The following RBFOX1 variants were observed in gnomAD, a reference collection of about 807,000 sequenced individuals.
RBFOX1 encodes the protein RNA binding fox-1 homolog 1.
RBFOX1 carries 8 observed loss-of-function variants against 57.7 expected under a neutral mutation model. The ratio of observed to expected loss-of-function variants is 0.14; its 90% CI spans 0.08 to 0.25. The LOEUF is 0.25. RBFOX1 is among the 10% of genes least tolerant of loss of function. RBFOX1 has a pLI of 1.00. For missense variants in RBFOX1, 611 were observed against 548.5 expected (o/e 1.11, Z -1.14); for synonymous variants, 326 against 222.4 (o/e 1.47, Z -4.15).
chr16:7,485,426 C>G (rs2065124812), intron 4 of RBFOX1, among the ~76,000 whole-genome samples: 1 of 152,220 alleles, frequency 6.6e-6, no homozygotes, highest in African/African-American at 2.4e-5. Context: ...AATAGATTAA[C>G]ACGCTCAATA....
intron 4 of RBFOX1, among the ~76,000 whole-genome samples, chr16:7,162,357 A>G (rs903280978): frequency 6.6e-6 from 1 of 152,092 alleles, no homozygotes; most frequent in Non-Finnish European, 1.5e-5. Flanking sequence ...ATATTTGCTC[A>G]TTTAATATCA....
chr16:6,536,088 G>T (rs949889316), intron 2 of RBFOX1, among the ~76,000 whole-genome samples: 1 of 152,152 alleles, frequency 6.6e-6, no homozygotes, highest in African/African-American at 2.4e-5. Flanking sequence ...TGATACAGGA[G>T]TATTAATTAC....
At chr16:7,340,970 C>T (rs1428091914) in intron 4 of RBFOX1, among the ~76,000 whole-genome samples, 1 of 152,100 alleles carries the variant, frequency 6.6e-6, no homozygotes, top group African/African-American at 2.4e-5. Context: ...GGTTGGAAGA[C>T]CTACGGATTT....
chr16:6,699,139 G>A (rs1201627327), intron 3 of RBFOX1, among the ~76,000 whole-genome samples: 1 of 152,116 alleles, frequency 6.6e-6, no homozygotes, highest in Non-Finnish European at 1.5e-5. Flanking sequence ...CAACCCATTT[G>A]AAGTGCCACC....
chr16:6,993,745 A>T (rs542939167), intron 3 of RBFOX1, among the ~76,000 whole-genome samples: 1 of 152,140 alleles, frequency 6.6e-6, no homozygotes, highest in Non-Finnish European at 1.5e-5. Context: ...GCCCAGCTCC[A>T]TGGGCATGGG....
intron 3 of RBFOX1, among the ~76,000 whole-genome samples, chr16:6,999,771 G>A (rs555140358): frequency 6.6e-6 from 1 of 152,036 alleles, no homozygotes; most frequent in East Asian, 1.9e-4. Context: ...ATGTTATTAT[G>A]CCTTTAAAAT....
chr16:5,754,247 C>T (rs866879232), intron 3 of RBFOX1, among the ~76,000 whole-genome samples: 1 of 152,186 alleles, frequency 6.6e-6, no homozygotes, highest in African/African-American at 2.4e-5. Context: ...AATAATGGTA[C>T]CTTCCCTGTA....
At position 6,054,478 on chromosome 16, in the gene RBFOX1, C is replaced by T. The variant is rs76333093; in HGVS notation, c.-127+34486C>T. Among the ~76,000 whole-genome samples the T allele has an allele frequency of 3.5e-4, 54 of 152,210 alleles. 2 individuals are homozygous for T. In the South Asian group the frequency reaches 6.8e-3, roughly 19 times the overall value. On this transcript the variant is annotated intron_variant, in intron 1 of 15. Transcript: ENST00000550418. Reference sequence around the variant, plus strand: ...TCTTTCCCACTTGACAGACTAACTCCGGCTTTGAGAGTAAATGCGAAGTAT... The same window carrying T: ...TCTTTCCCACTTGACAGACTAACTCTGGCTTTGAGAGTAAATGCGAAGTAT...
intron 4 of RBFOX1, among the ~76,000 whole-genome samples, chr16:7,080,741 A>T (rs1488955822): frequency 6.6e-6 from 1 of 151,912 alleles, no homozygotes; most frequent in African/African-American, 2.4e-5. Flanking sequence ...GAATAGTTCA[A>T]CCCTCTCCAT....
intron 10 of RBFOX1, among the ~76,000 whole-genome samples, chr16:7,621,203 T>C (rs1371401226): frequency 6.6e-6 from 1 of 152,198 alleles, no homozygotes; most frequent in African/African-American, 2.4e-5. Context: ...CTTATTTTCA[T>C]TGTTTTTGTT....
At chr16:7,096,619 A>G (rs967040987) in intron 4 of RBFOX1, among the ~76,000 whole-genome samples, 1 of 152,074 alleles carries the variant, frequency 6.6e-6, no homozygotes, top group African/African-American at 2.4e-5. Flanking sequence ...TGGATCTAGG[A>G]GTGGACTTAG....
At chr16:6,853,377 C>T (rs1438873258) in intron 3 of RBFOX1, among the ~76,000 whole-genome samples, 2 of 152,218 alleles carry the variant, frequency 1.3e-5, no homozygotes, top group East Asian at 3.9e-4. Flanking sequence ...GGGTTGGCTG[C>T]ATAACGTTGA....
At chr16:6,509,504 A>G (rs1372296176) in intron 2 of RBFOX1, among the ~76,000 whole-genome samples, 1 of 152,152 alleles carries the variant, frequency 6.6e-6, no homozygotes, top group Admixed American at 6.5e-5. Flanking sequence ...ACTCATGGAG[A>G]CAGAAAGTAG....
intron 3 of RBFOX1, among the ~76,000 whole-genome samples, chr16:6,902,680 C>A (rs1197888369): frequency 6.6e-6 from 1 of 152,152 alleles, no homozygotes; most frequent in Non-Finnish European, 1.5e-5. Context: ...TGAGATTGTG[C>A]CACTGCACTC....
Position 7,543,040 on chromosome 16 carries a change from G to GA in RBFOX1, c.270+24653dup, listed in dbSNP as rs113411308. Among the ~76,000 whole-genome samples the GA allele has an allele frequency of 1.4e-3, 208 of 152,256 alleles. 2 individuals carry two copies. The highest frequency in any genetic ancestry group is 4.7e-3 in the African/African-American group (196 of 41,556). On this transcript the variant is annotated intron_variant, in intron 5 of 15. Coordinates refer to ENST00000550418, the MANE Select transcript of RBFOX1 (RefSeq NM_018723.4). ...CATCTCAGTGAATGTTCCAGGTTCT[G>GA]AACAATCCTATAGGTGGGGGAAAGA...
chr16:7,100,937 T>C (rs759514996), intron 4 of RBFOX1, among the ~76,000 whole-genome samples: 3 of 152,196 alleles, frequency 2.0e-5, no homozygotes, highest in Non-Finnish European at 2.9e-5. Context: ...TTTTTTTAAG[T>C]GAAAGTGATT....
At chr16:7,210,466 TACTTA>T (rs1430938912) in intron 4 of RBFOX1, among the ~76,000 whole-genome samples, 1 of 147,926 alleles carries the variant, frequency 6.8e-6, no homozygotes, top group Non-Finnish European at 1.5e-5. Context: ...CAATCTACTT[TACTTA>T]AAGACAATCA....
In RBFOX1 at chr16:5,289,000, C is replaced by T. The variant is rs1448540678; in HGVS notation, c.219+48895C>T. 2.6e-5 allele frequency among the ~76,000 whole-genome samples: 4 copies of T among 152,274 alleles called. No homozygotes were observed. The East Asian group carries it at 7.7e-4, about 29-fold the overall frequency. On this transcript the variant is annotated intron_variant, in intron 1 of 2. Coordinates refer to the RBFOX1 transcript ENST00000585867. ...ATTAGCTGGGCATGGTGGCGCACGC[C>T]TGTAGTCCCACCTACTCGGGAGGCT...
chr16:5,403,042 G>C (rs1596876927), intron 1 of RBFOX1, among the ~76,000 whole-genome samples: 1 of 152,218 alleles, frequency 6.6e-6, no homozygotes, highest in South Asian at 2.1e-4. Flanking sequence ...ATGCATGGAA[G>C]CAAAAGTGTC....
Sources: gnomAD v4.1 joint callset for allele counts (sites outside exome capture counted in the v4.1 genomes callset) on GRCh38, gnomAD v4.1.1 for gene constraint, MANE v1.5 for transcripts, NCBI Gene and HGNC (gene_info 2026-07-23, HGNC 2026-07-21) for gene names.